DPP10: variants seen among roughly 807,000 people sequenced by gnomAD.
The protein encoded by DPP10 is inactive dipeptidyl peptidase 10.
Under a neutral mutation model 120.9 loss-of-function variants are expected in DPP10, and 33 were observed. The observed-to-expected ratio is 0.27, with a 90% CI of 0.21 to 0.37. The LOEUF is 0.37. DPP10 is among the 10% of genes least tolerant of loss of function. DPP10 has a pLI of 1.00. For missense variants in DPP10, 816 were observed against 942.8 expected (o/e 0.87, Z 1.76); for synonymous variants, 337 against 326.1 (o/e 1.03, Z -0.36).
intron 5 of DPP10, among the ~76,000 whole-genome samples, chr2:115,640,822 G>C (rs902673567): frequency 1.3e-5 from 2 of 152,152 alleles, no homozygotes; most frequent in Admixed American, 6.6e-5. Context: ...CTATGTGAAA[G>C]ATGTTTCTGC....
intron 1 of DPP10, among the ~76,000 whole-genome samples, chr2:115,042,306 G>C (rs1488051277): frequency 6.6e-6 from 1 of 151,870 alleles, no homozygotes; most frequent in Non-Finnish European, 1.5e-5. Flanking sequence ...TCACTGTGTT[G>C]CCCAGGCTAG....
intron 1 of DPP10, among the ~76,000 whole-genome samples, chr2:115,262,786 A>T (rs965273132): frequency 6.6e-6 from 1 of 152,206 alleles, no homozygotes; most frequent in African/African-American, 2.4e-5. Context: ...TGGCATCTAC[A>T]TATTGACTGT....
Position 115,276,095 on chromosome 2 carries a change from G to T in DPP10, c.61-33144G>T, listed in dbSNP as rs1258382997. Among the ~76,000 whole-genome samples the T allele has an allele frequency of 3.3e-5, 5 of 152,110 alleles. No individual in the cohort carries two copies. The East Asian group carries it at 9.7e-4, about 29-fold the overall frequency. On this transcript the variant is annotated intron_variant, in intron 1 of 25. Coordinates refer to ENST00000410059, the MANE Select transcript of DPP10 (RefSeq NM_020868.6). ...TGCCCACCCTTTCTTTTTCCGGATGGATATGTGGAGAGAACAATTATAGTT... is the reference window on the plus strand; with the variant it reads ...TGCCCACCCTTTCTTTTTCCGGATGTATATGTGGAGAGAACAATTATAGTT...
intron 3 of DPP10, among the ~76,000 whole-genome samples, chr2:115,389,909 C>G (rs1415800175): frequency 6.6e-6 from 1 of 152,122 alleles, no homozygotes; most frequent in Admixed American, 6.6e-5. Flanking sequence ...GTAAAATACT[C>G]TCTACTCTTC....
At chr2:115,348,221 G>A (rs1671887762) in intron 3 of DPP10, among the ~76,000 whole-genome samples, 1 of 152,078 alleles carries the variant, frequency 6.6e-6, no homozygotes, top group Admixed American at 6.6e-5. Flanking sequence ...ATTTTTTCAT[G>A]TTGAATACTA....
At chr2:115,053,174 G>A (rs540065386) in intron 1 of DPP10, among the ~76,000 whole-genome samples, 3 of 152,096 alleles carry the variant, frequency 2.0e-5, no homozygotes, top group Non-Finnish European at 2.9e-5. Context: ...CTCATGTTTA[G>A]AGCAGCATTA....
chr2:115,533,158 T>C (rs985411002), intron 5 of DPP10, among the ~76,000 whole-genome samples: 2 of 152,118 alleles, frequency 1.3e-5, no homozygotes, highest in Admixed American at 1.3e-4. Flanking sequence ...ATGTTTGTTA[T>C]CAGAAACTTT....
At chr2:115,152,620 T>G (rs2051632960) in intron 1 of DPP10, among the ~76,000 whole-genome samples, 1 of 152,192 alleles carries the variant, frequency 6.6e-6, no homozygotes, top group African/African-American at 2.4e-5. Flanking sequence ...GGAAACAGGT[T>G]TGTCTGGATT....
intron 1 of DPP10, among the ~76,000 whole-genome samples, chr2:115,093,533 A>G (rs945974011): frequency 2.0e-5 from 3 of 152,106 alleles, no homozygotes; most frequent in African/African-American, 7.2e-5. Flanking sequence ...AAGGAAACCA[A>G]ATCTGGAGAC....
intron 8 of DPP10, among the ~76,000 whole-genome samples, chr2:115,734,699 C>G (rs1287859025): frequency 1.4e-5 from 2 of 146,922 alleles, no homozygotes; most frequent in Non-Finnish European, 3.0e-5. Context: ...AGAGTTTACA[C>G]TCAATTGGCC....
chr2:114,517,749 C>T (rs1170366581), intron 1 of DPP10, among the ~76,000 whole-genome samples: 1 of 152,166 alleles, frequency 6.6e-6, no homozygotes, highest in African/African-American at 2.4e-5. Context: ...GGCAAGGGCA[C>T]AGAATAGCTA....
intron 1 of DPP10, among the ~76,000 whole-genome samples, chr2:114,930,924 A>T (rs775753082): frequency 1.3e-5 from 2 of 152,226 alleles, no homozygotes; most frequent in Admixed American, 6.5e-5. Flanking sequence ...CAAGCAGTTC[A>T]TAAAGGATTT....
chr2:114,923,333 G>A (rs1187121249), intron 1 of DPP10, among the ~76,000 whole-genome samples: 2 of 151,474 alleles, frequency 1.3e-5, no homozygotes, highest in Non-Finnish European at 2.9e-5. Flanking sequence ...ACACGTGTGC[G>A]CCATCACGAC....
chr2:114,987,820 T>TTTTTTTTTTTTTTTTTTTTG, intron 1 of DPP10, among the ~76,000 whole-genome samples: 1 of 147,716 alleles, frequency 6.8e-6, no homozygotes. Flanking sequence ...TTTTTTTATT[T>TTTTTTTTTTTTTTTTTTTTG]TGAGATGGAG....
intron 5 of DPP10, among the ~76,000 whole-genome samples, chr2:115,656,227 T>A (rs561473938): frequency 3.3e-4 from 50 of 151,378 alleles, no homozygotes; most frequent in African/African-American, 1.1e-3. Flanking sequence ...TTTAAACTAA[T>A]CAAATTGTAT....
chr2:114,645,170 G>T (rs774401040), intron 1 of DPP10, among the ~76,000 whole-genome samples: 12 of 152,170 alleles, frequency 7.9e-5, no homozygotes, highest in Non-Finnish European at 1.6e-4. Flanking sequence ...CAGAGTACAG[G>T]ATTCATTCCT....
intron 1 of DPP10, among the ~76,000 whole-genome samples, chr2:114,456,614 A>C (rs147908586): frequency 1.3e-5 from 2 of 152,238 alleles, no homozygotes; most frequent in Non-Finnish European, 2.9e-5. Context: ...TTGTTGAATA[A>C]AAATAGCAGT....
chr2:114,512,807 A>C (rs944829533), intron 1 of DPP10, among the ~76,000 whole-genome samples: 1 of 152,206 alleles, frequency 6.6e-6, no homozygotes, highest in Non-Finnish European at 1.5e-5. Context: ...AGGCCTGTGT[A>C]GATGTTGTCC....
chr2:115,785,596 C>A (rs1683247483), intron 17 of DPP10, among the ~76,000 whole-genome samples: 1 of 152,098 alleles, frequency 6.6e-6, no homozygotes, highest in Non-Finnish European at 1.5e-5. Flanking sequence ...TTATCAACTT[C>A]TTGTACGTTT....
Sources: allele counts gnomAD v4.1 joint callset (sites outside exome capture counted in the v4.1 genomes callset), GRCh38; gene constraint gnomAD v4.1.1; transcripts MANE v1.5; gene names NCBI Gene and HGNC (gene_info 2026-07-23, HGNC 2026-07-21).